FAAH: variants seen among roughly 807,000 people sequenced by gnomAD.
FAAH encodes the protein fatty acid amide hydrolase, also known as fatty-acid amide hydrolase 1.
Under a neutral mutation model 69.7 loss-of-function variants are expected in FAAH, and 63 were observed. That is an observed-to-expected ratio of 0.90 (90% CI 0.74 to 1.12). The LOEUF is 1.12. Among genes scored for constraint, FAAH ranks in the 50% most tolerant of loss-of-function variants. FAAH has a pLI of 0.00. For missense variants in FAAH, 680 were observed against 755.0 expected (o/e 0.90, Z 1.16); for synonymous variants, 305 against 324.2 (o/e 0.94, Z 0.64).
intron 1 of FAAH, among the ~76,000 whole-genome samples, chr1:46,396,074 G>A (rs1664592182): frequency 6.6e-6 from 1 of 152,082 alleles, no homozygotes; most frequent in Non-Finnish European, 1.5e-5. Flanking sequence ...CGGTGAGGGG[G>A]ATGTGGCAGG....
Position 46,394,411 on chromosome 1 carries a change from C to G in FAAH, c.63C>G (p.Cys21Trp). The change falls in exon 1 of 15, where the codon TGC becomes TGG. Residue 21 changes from cysteine to tryptophan, a missense_variant. By Grantham distance (215) the Cys-to-Trp change is radical. Transcript: ENST00000243167. ...PGASGVALAC[C>W]FVAAAVALRW... The stretch of plus-strand genomic sequence containing the variant: ...CCTCCGGGGTCGCCCTGGCCTGCTG[C>G]TTCGTGGCGGCGGCCGTGGCCCTGC... 6.7e-7 allele frequency: 1 copy of G among 1,490,228 alleles called. No individual in the cohort carries two copies. The highest frequency in any genetic ancestry group is 8.9e-7 in the Non-Finnish European group (1 of 1,123,978). 92.3% of individuals were successfully genotyped at this position (1,490,228 alleles called of 1,614,324 possible).
chr1:46,394,462 G>C lies in FAAH; in HGVS notation c.114G>C (p.Arg38=). The C allele has an allele frequency of 7.2e-7, 1 of 1,380,280 alleles. No homozygotes were observed. The highest frequency in any genetic ancestry group is 9.3e-7 in the Non-Finnish European group (1 of 1,074,464). 85.5% of individuals were successfully genotyped at this position (1,380,280 alleles called of 1,614,324 possible). A position where few individuals can be genotyped will look rare whatever the true frequency, so the allele number is the denominator to read the frequency against. The change falls in exon 1 of 15, where the codon CGG becomes CGC. Residue 38 remains arginine (R), a synonymous_variant. Transcript: ENST00000243167. Reference sequence around the variant, plus strand: ...GCTGGTCCGGGCGCCGGACGGCGCGGGGCGCGGTGGTCCGGGCGCGACAGA... The same window carrying C: ...GCTGGTCCGGGCGCCGGACGGCGCGCGGCGCGGTGGTCCGGGCGCGACAGA... ...ALRWSGRRTA[R]GAVVRARQRQ...
chr1:46,406,301 G>T lies in FAAH; in HGVS notation c.884G>T (p.Arg295Leu). The T allele has an allele frequency of 6.2e-7, 1 of 1,613,828 alleles. No individual in the cohort carries two copies. Among genetic ancestry groups the T allele is most frequent in the Non-Finnish European group, 8.5e-7 (1 of 1,179,838 alleles). Residue 295 changes from arginine (R) to leucine (L), a missense_variant, in exon 7 of 15, where the codon CGA becomes CTA. By Grantham distance (102) the Arg-to-Leu change is moderately radical. Transcript: ENST00000243167. ...GTGGAGAGCCTGGCACTGTGCCTGC[G>T]AGCCCTGCTGTGTGAGGACATGTTC... ...RDVESLALCL[R>L]ALLCEDMFRL...
chr1:46,400,767 G>C (rs1664684158), intron 1 of FAAH, among the ~76,000 whole-genome samples: 1 of 119,610 alleles, frequency 8.4e-6, no homozygotes, highest in Admixed American at 8.9e-5. Context: ...GGGATGAGTG[G>C]AGAGCCTGGA....
chr1:46,411,600 CCTT>C lies in FAAH; in HGVS notation c.1317-9_1317-7del, dbSNP rs767272521. ...GACCATCATGGCTGGTGACCACACT[CCTT>C]CTGCCCAGTTCGGCTGGAAAACTCT... is the stretch of plus-strand genomic sequence containing the variant. On this transcript the variant is annotated splice_polypyrimidine_tract_variant and intron_variant, in intron 11 of 14. Transcript: ENST00000243167. The surrounding 1 kb of genome is among the most constrained non-coding windows in gnomAD (Gnocchi z 4.8). The C allele has an allele frequency of 5.0e-6, 8 of 1,614,014 alleles. No homozygotes were observed. The South Asian group carries it at 6.6e-5, about 13-fold the overall frequency.
chr1:46,412,708 G>A (rs554916807), intron 13 of FAAH, among the ~76,000 whole-genome samples: 105 of 152,256 alleles, frequency 6.9e-4, no homozygotes, highest in African/African-American at 2.5e-3. Context: ...CTACTCGGGG[G>A]GCTGAGGCAG....
At chr1:46,399,172 A>G (rs760579151) in intron 1 of FAAH, among the ~76,000 whole-genome samples, 1 of 152,224 alleles carries the variant, frequency 6.6e-6, no homozygotes, top group Non-Finnish European at 1.5e-5. Flanking sequence ...CCGCTTATCA[A>G]TCCCACTGGC....
intron 1 of FAAH, among the ~76,000 whole-genome samples, chr1:46,397,470 G>A (rs1664616289): frequency 6.6e-6 from 1 of 152,162 alleles, no homozygotes; most frequent in Non-Finnish European, 1.5e-5. Context: ...CAGTGATTGT[G>A]GTTTTGAGTA....
In FAAH at chr1:46,413,155, G is replaced by T. The variant is rs1471616325; in HGVS notation, c.1546G>T (p.Asp516Tyr). 6.2e-7 allele frequency: 1 copy of T among 1,614,160 alleles called. No individual in the cohort carries two copies. The highest frequency in any genetic ancestry group is 1.3e-5 in the African/African-American group (1 of 75,024). Residue 516 changes from aspartate (D) to tyrosine (Y), a missense_variant, in exon 14 of 15, where the codon GAC becomes TAC. Coordinates refer to ENST00000243167, the MANE Select transcript of FAAH (RefSeq NM_001441.3). ...GCCTGTCACCACGGTGACTGCTGAG[G>T]ACGAGGCCCAGATGGAACATTACAG... is the stretch of plus-strand genomic sequence containing the variant. ...VVPVTTVTAE[D>Y]EAQMEHYRGY...
intron 2 of FAAH, among the ~76,000 whole-genome samples, chr1:46,403,746 G>A (rs939497542): frequency 1.3e-5 from 2 of 152,348 alleles, no homozygotes; most frequent in South Asian, 4.1e-4. Flanking sequence ...CTGAGGTAGG[G>A]TTTCCTCTTC....
At position 46,405,097 on chromosome 1, in the gene FAAH, G is replaced by C. The variant is rs751268440; in HGVS notation, c.393G>C (p.Gln131His). 5 of 1,613,952 alleles carry C rather than the reference G, an allele frequency of 3.1e-6. No individual in the cohort carries two copies. The South Asian group carries it at 4.4e-5, about 14-fold the overall frequency. Residue 131 changes from glutamine to histidine, a missense_variant, in exon 3 of 15, where the codon CAG becomes CAC. Physicochemically the swap from Gln to His is conservative, Grantham distance 24 (BLOSUM62 0). Coordinates refer to ENST00000243167, the MANE Select transcript of FAAH (RefSeq NM_001441.3). The surrounding 1 kb of genome is among the most constrained non-coding windows in gnomAD (Gnocchi z 4.1). ...CTCAGCTGTCTCAGGCCCCAAGGCA[G>C]GGCCTGCTCTATGGCGTCCCTGTGA... ...CETQLSQAPR[Q>H]GLLYGVPVSL...
Position 46,405,624 on chromosome 1 carries a change from G to A in FAAH, c.615G>A (p.Val205=), listed in dbSNP as rs1286068031. The A allele has an allele frequency of 1.2e-6, 2 of 1,613,520 alleles. No individual in the cohort carries two copies. The highest frequency in any genetic ancestry group is 2.2e-5 in the East Asian group (1 of 44,882). Residue 205 remains valine, a synonymous_variant, in exon 5 of 15, where the codon GTG becomes GTA. Coordinates refer to ENST00000243167, the MANE Select transcript of FAAH (RefSeq NM_001441.3). The surrounding 1 kb of genome is among the most constrained non-coding windows in gnomAD (Gnocchi z 4.1). ...GTAACCCCCTCTTTGGCCAGACCGT[G>A]AACCCATGGAAGTCCTCCAAAAGCC... ...DCSNPLFGQT[V]NPWKSSKSPG... is the part of the protein sequence containing the mutation.
chr1:46,408,472 C>T lies in FAAH; in HGVS notation c.965C>T (p.Ser322Phe). The change falls in exon 8 of 15, where the codon TCT becomes TTT. Residue 322 changes from serine (S) to phenylalanine (F), a missense_variant. By Grantham distance (155) the Ser-to-Phe change is radical. Coordinates refer to ENST00000243167, the MANE Select transcript of FAAH (RefSeq NM_001441.3). ...TTTTCCCTCCAGGTCTACACCAGCT[C>T]TCAGCCCCTGCGTGTGGGGTACTAT... ...LPFREEVYTS[S>F]QPLRVGYYET... 1 of 1,614,200 alleles carries T rather than the reference C, an allele frequency of 6.2e-7. No individual in the cohort carries two copies. Among genetic ancestry groups the T allele is most frequent in the Non-Finnish European group, 8.5e-7 (1 of 1,180,034 alleles).
chr1:46,408,469 G>C lies in FAAH; in HGVS notation c.962G>C (p.Ser321Thr). 1.2e-6 allele frequency: 2 copies of C among 1,614,120 alleles called. No individual in the cohort carries two copies. Among genetic ancestry groups the C allele is most frequent in the Non-Finnish European group, 1.7e-6 (2 of 1,180,012 alleles). ...PLPFREEVYTSSQPLRVGYYE... is the reference protein window; with the variant it reads ...PLPFREEVYTTSQPLRVGYYE... ...GTGTTTTCCCTCCAGGTCTACACCA[G>C]CTCTCAGCCCCTGCGTGTGGGGTAC... Residue 321 changes from serine to threonine, a missense_variant, in exon 8 of 15, where the codon AGC becomes ACC. Coordinates refer to ENST00000243167, the MANE Select transcript of FAAH (RefSeq NM_001441.3).
chr1:46,397,788 C>T (rs1012101842), intron 1 of FAAH, among the ~76,000 whole-genome samples: 6 of 152,024 alleles, frequency 3.9e-5, no homozygotes, highest in South Asian at 4.2e-4. Context: ...GCCTCGACCT[C>T]CCGACCTCAG....
chr1:46,403,659 G>T (rs916790552), intron 2 of FAAH, among the ~76,000 whole-genome samples: 5 of 152,210 alleles, frequency 3.3e-5, no homozygotes, highest in Admixed American at 3.3e-4. Context: ...CCTCTTCTTT[G>T]CCCCTGTCCG....
chr1:46,408,319 G>T, intron 7 of FAAH, 140 bp from the exon 8 acceptor site: 2 of 1,075,830 alleles, frequency 1.9e-6, no homozygotes, highest in South Asian at 2.5e-5. Flanking sequence ...TTATGAAAGG[G>T]TCAGATGCAG....
At chr1:46,399,809 A>AAT (rs1268775162) in intron 1 of FAAH, among the ~76,000 whole-genome samples, 1 of 152,228 alleles carries the variant, frequency 6.6e-6, no homozygotes, top group Non-Finnish European at 1.5e-5. Context: ...TGCAAAAAAG[A>AAT]ATATATATAG....
rs1664907740 is a variant in FAAH, at chr1:46,411,192, ATC to A, written c.1316+340_1316+341del. 6.6e-6 allele frequency among the ~76,000 whole-genome samples: 1 copy of A among 152,138 alleles called. No individual in the cohort carries two copies. Among genetic ancestry groups the A allele is most frequent in the African/African-American group, 2.4e-5 (1 of 41,418 alleles). ...CCCGGGAGAGATGCCACTGTTAGAG[ATC>A]TGAGCTGACCTGAGCTGCGCCAGGC... On this transcript the variant is annotated intron_variant, in intron 11 of 14. Transcript: ENST00000243167. This position sits in a 1 kb window ranked among gnomAD's most constrained non-coding sequence, Gnocchi z 4.8.
Sources: gnomAD v4.1 joint callset for allele counts (sites outside exome capture counted in the v4.1 genomes callset) on GRCh38, gnomAD v4.1.1 for gene constraint, Gnocchi (gnomAD v3.1) non-coding constraint, MANE v1.5 for transcripts, NCBI Gene and HGNC (gene_info 2026-07-23, HGNC 2026-07-21) for gene names.